LRMDA: variants seen among roughly 807,000 people sequenced by gnomAD.
LRMDA encodes the protein leucine-rich melanocyte differentiation-associated protein.
Under a neutral mutation model 29.8 loss-of-function variants are expected in LRMDA, and 18 were observed. The observed-to-expected ratio is 0.60, with a 90% CI of 0.42 to 0.90. LRMDA has a LOEUF of 0.90. LRMDA is among the 40% of genes least tolerant of loss of function. LRMDA has a pLI of 0.00. For missense variants in LRMDA, 273 were observed against 273.9 expected (o/e 1.00, Z 0.02); for synonymous variants, 125 against 109.4 (o/e 1.14, Z -0.89).
chr10:76,055,569 T>A (rs886087403), intron 4 of LRMDA, among the ~76,000 whole-genome samples: 2 of 152,214 alleles, frequency 1.3e-5, no homozygotes, highest in Non-Finnish European at 2.9e-5. Context: ...TGGGCTGCAC[T>A]TGGCTCGTGC....
chr10:76,483,325 A>G (rs978744756), intron 6 of LRMDA, among the ~76,000 whole-genome samples: 1 of 151,938 alleles, frequency 6.6e-6, no homozygotes, highest in Non-Finnish European at 1.5e-5. Flanking sequence ...TATACAGACA[A>G]TGACACTCTG....
chr10:76,296,223 A>C (rs1056798146), intron 5 of LRMDA, among the ~76,000 whole-genome samples: 3 of 152,202 alleles, frequency 2.0e-5, no homozygotes, highest in Admixed American at 6.5e-5. Context: ...AAATAAGCCT[A>C]GTTTGCTTAT....
intron 6 of LRMDA, among the ~76,000 whole-genome samples, chr10:76,493,033 A>G (rs1460554983): frequency 2.0e-5 from 3 of 152,026 alleles, no homozygotes; most frequent in African/African-American, 7.2e-5. Flanking sequence ...TGGTTACCAC[A>G]TGTGATTGTT....
intron 6 of LRMDA, among the ~76,000 whole-genome samples, chr10:76,378,009 T>A (rs1456165147): frequency 6.6e-6 from 1 of 152,194 alleles, no homozygotes; most frequent in Non-Finnish European, 1.5e-5. Flanking sequence ...GACTTTTTAA[T>A]CCATGGGCAT....
chr10:76,011,523 G>C (rs974665557), intron 2 of LRMDA, among the ~76,000 whole-genome samples: 4 of 152,164 alleles, frequency 2.6e-5, no homozygotes, highest in Non-Finnish European at 5.9e-5. Context: ...TCCTCCATGT[G>C]ACTAGTGGAG....
chr10:75,584,299 C>T (rs974670807), intron 2 of LRMDA, among the ~76,000 whole-genome samples: 3 of 152,280 alleles, frequency 2.0e-5, no homozygotes, highest in East Asian at 3.9e-4. Context: ...TGCTAGGAAT[C>T]GTCTCCTTAT....
At chr10:76,262,521 T>C (rs1839957194) in intron 5 of LRMDA, among the ~76,000 whole-genome samples, 1 of 152,212 alleles carries the variant, frequency 6.6e-6, no homozygotes, top group Non-Finnish European at 1.5e-5. Context: ...CTCAGCTTCA[T>C]CTTCTGTCAA....
intron 5 of LRMDA, among the ~76,000 whole-genome samples, chr10:76,088,596 G>A (rs1266097929): frequency 1.3e-5 from 2 of 152,144 alleles, no homozygotes; most frequent in African/African-American, 4.8e-5. Flanking sequence ...GAAATCTGTT[G>A]GGCACCCAGC....
chr10:76,352,658 C>T (rs1156910109), intron 6 of LRMDA, among the ~76,000 whole-genome samples: 2 of 152,122 alleles, frequency 1.3e-5, no homozygotes, highest in African/African-American at 4.8e-5. Flanking sequence ...TAACTAAAAC[C>T]ATGCAGAAAG....
At chr10:76,457,458 A>G (rs550756801) in intron 6 of LRMDA, among the ~76,000 whole-genome samples, 1 of 152,232 alleles carries the variant, frequency 6.6e-6, no homozygotes, top group South Asian at 2.1e-4. Flanking sequence ...CTCAGACTGT[A>G]TGCAAATGTC....
intron 5 of LRMDA, among the ~76,000 whole-genome samples, chr10:76,200,714 C>CTT (rs545738244): frequency 0.012 from 1,729 of 142,748 alleles, 37 homozygotes; most frequent in African/African-American, 0.041. Flanking sequence ...TTTTCTTTTT[C>CTT]TTTTTTTTTT....
intron 6 of LRMDA, among the ~76,000 whole-genome samples, chr10:76,528,298 G>A (rs886094320): frequency 4.0e-5 from 6 of 151,844 alleles, no homozygotes; most frequent in African/African-American, 7.3e-5. Flanking sequence ...ATAAATTATG[G>A]CACATTCACA....
intron 5 of LRMDA, among the ~76,000 whole-genome samples, chr10:76,285,233 G>T (rs181481143): frequency 6.6e-6 from 1 of 152,194 alleles, no homozygotes; most frequent in East Asian, 1.9e-4. Flanking sequence ...CTGGAATTCA[G>T]TTTTTTCCAC....
chr10:76,205,085 TGCCAGAGGTAGTAGAGGA>T (rs1411226129), intron 5 of LRMDA, among the ~76,000 whole-genome samples: 4 of 152,184 alleles, frequency 2.6e-5, no homozygotes, highest in African/African-American at 9.7e-5. Flanking sequence ...ATCCTCTAAC[TGCCAGAGGTAGTAGAGGA>T]TGCCTAGGTC....
chr10:75,552,427 C>A, intron 2 of LRMDA: 1 of 210,252 alleles, frequency 4.8e-6, no homozygotes, highest in Non-Finnish European at 1.0e-5. Context: ...TTTTTTTTTC[C>A]CCCCCCTCTG....
At chr10:75,565,371 C>T (rs1840356985) in intron 2 of LRMDA, among the ~76,000 whole-genome samples, 1 of 152,226 alleles carries the variant, frequency 6.6e-6, no homozygotes, top group Non-Finnish European at 1.5e-5. Context: ...AGGTTGGCAG[C>T]CATTCATGGA....
At chr10:76,012,156 G>A (rs1184340367) in intron 2 of LRMDA, among the ~76,000 whole-genome samples, 3 of 152,218 alleles carry the variant, frequency 2.0e-5, no homozygotes, top group Non-Finnish European at 4.4e-5. Flanking sequence ...AAGTCCTGCT[G>A]TCAACATTGG....
At chr10:76,315,835 C>T (rs1426595430) in intron 5 of LRMDA, among the ~76,000 whole-genome samples, 1 of 152,058 alleles carries the variant, frequency 6.6e-6, no homozygotes, top group Admixed American at 6.5e-5. Context: ...ATGCTTTTTC[C>T]GGCTGGCCCA....
At chr10:76,495,446 G>T (rs2132339311) in intron 6 of LRMDA, among the ~76,000 whole-genome samples, 1 of 151,758 alleles carries the variant, frequency 6.6e-6, no homozygotes, top group East Asian at 1.9e-4. Context: ...TGAGGAGAGA[G>T]ATTTCTCCCA....
Sources: allele counts gnomAD v4.1 joint callset (sites outside exome capture counted in the v4.1 genomes callset), GRCh38; gene constraint gnomAD v4.1.1; transcripts MANE v1.5; gene names NCBI Gene and HGNC (gene_info 2026-07-23, HGNC 2026-07-21).